Variants in PRLR observed in about 807,000 individuals in gnomAD.
PRLR encodes the protein prolactin receptor.
Under a neutral mutation model 40.2 loss-of-function variants are expected in PRLR, and 13 were observed. That is an observed-to-expected ratio of 0.32 (90% CI 0.21 to 0.51). PRLR has a LOEUF of 0.51. PRLR is among the 20% of genes least tolerant of loss of function. The probability of loss-of-function intolerance (pLI) is 0.97; values close to 1 mark genes in which losing one functional copy is unlikely to be tolerated. For synonymous variants in PRLR, 269 were observed against 278.7 expected (o/e 0.97, Z 0.35); for missense variants, 656 against 747.3 (o/e 0.88, Z 1.42).
At chr5:35,176,955 A>G (rs1404684350) in intron 1 of PRLR, among the ~76,000 whole-genome samples, 1 of 152,210 alleles carries the variant, frequency 6.6e-6, no homozygotes, top group Non-Finnish European at 1.5e-5. Flanking sequence ...TGAGATAGGG[A>G]AAAACTGCCT....
chr5:35,107,768 C>A (rs770662397), intron 2 of PRLR, among the ~76,000 whole-genome samples: 1 of 152,052 alleles, frequency 6.6e-6, no homozygotes, highest in South Asian at 2.1e-4. Context: ...CAGGAGCAGA[C>A]GGATTCACAG....
intron 5 of PRLR, 123 bp from the exon 6 acceptor site, chr5:35,072,867 C>T (rs1317799081): frequency 1.5e-5 from 16 of 1,102,734 alleles, no homozygotes; most frequent in African/African-American, 4.7e-5. Context: ...TACTATAAGC[C>T]CCCCAAATAC....
downstream of PRLR, chr5:35,055,643 G>A (rs1768672538): frequency 2.6e-5 from 4 of 151,980 alleles, no homozygotes; most frequent in Admixed American, 1.3e-4. Flanking sequence ...CTTGTTTCAA[G>A]TTAAATTTTT....
chr5:35,214,178 G>C (rs1167366225), intron 1 of PRLR, among the ~76,000 whole-genome samples: 1 of 152,138 alleles, frequency 6.6e-6, no homozygotes, highest in East Asian at 1.9e-4. Flanking sequence ...CATCAAATGT[G>C]GGACAAATGG....
intron 1 of PRLR, among the ~76,000 whole-genome samples, chr5:35,150,995 T>C (rs1256509492): frequency 6.6e-6 from 1 of 152,178 alleles, no homozygotes; most frequent in African/African-American, 2.4e-5. Flanking sequence ...AATAAAATGA[T>C]TTGATAAAGG....
intron 2 of PRLR, among the ~76,000 whole-genome samples, chr5:35,104,830 G>A (rs906631927): frequency 1.3e-5 from 2 of 152,208 alleles, no homozygotes; most frequent in Non-Finnish European, 2.9e-5. Flanking sequence ...AGAAACTTCT[G>A]CAGACTTAAA....
intron 8 of PRLR, 47 bp from the exon 9 acceptor site, chr5:35,068,332 T>G (rs1203062805): frequency 3.9e-6 from 6 of 1,542,990 alleles, no homozygotes; most frequent in Non-Finnish European, 5.4e-6. Flanking sequence ...TTTCTGACTT[T>G]GTAATTTTTG....
intron 1 of PRLR, among the ~76,000 whole-genome samples, chr5:35,158,055 T>C (rs1160097968): frequency 6.6e-6 from 1 of 152,224 alleles, no homozygotes; most frequent in Admixed American, 6.5e-5. Context: ...GGTCCTTTTC[T>C]CAAAGTCAGG....
intron 1 of PRLR, chr5:35,130,171 A>T (rs1773618071): frequency 6.6e-6 from 1 of 152,252 alleles, no homozygotes; most frequent in South Asian, 2.1e-4. Context: ...CCTGGGATAT[A>T]CAAGGCTTTT....
intron 9 of PRLR, among the ~76,000 whole-genome samples, chr5:35,066,788 G>A (rs1252173943): frequency 7.1e-6 from 1 of 140,086 alleles, no homozygotes; most frequent in Non-Finnish European, 1.5e-5. Flanking sequence ...TTTTGAGACG[G>A]AGTCTCGCTC....
chr5:35,106,085 G>T (rs971941025), intron 2 of PRLR, among the ~76,000 whole-genome samples: 2 of 152,194 alleles, frequency 1.3e-5, no homozygotes, highest in African/African-American at 4.8e-5. Flanking sequence ...CATTCTTAAA[G>T]AAAAGAATTT....
At chr5:35,104,900 G>A (rs183564624) in intron 2 of PRLR, among the ~76,000 whole-genome samples, 119 of 152,260 alleles carry the variant, frequency 7.8e-4, no homozygotes, top group Admixed American at 6.0e-3. Flanking sequence ...ATTTGAGATC[G>A]GAGAACAGAC....
chr5:35,063,630 C>T lies in PRLR; in HGVS notation c.*1459G>A, dbSNP rs963351061. ...TGGACACTTCTGATATGAGCCATTTCTGCCTCTGCCAAGATTTTGCAATTG... is the reference window on the plus strand; with the variant it reads ...TGGACACTTCTGATATGAGCCATTTTTGCCTCTGCCAAGATTTTGCAATTG... On this transcript the variant is annotated 3_prime_UTR_variant, in exon 10 of 10. Transcript: ENST00000618457. 6.6e-6 allele frequency: 1 copy of T among 152,198 alleles called. No homozygotes were observed. Among genetic ancestry groups the T allele is most frequent in the African/African-American group, 2.4e-5 (1 of 41,442 alleles). 9.4% of individuals were successfully genotyped at this position (152,198 alleles called of 1,614,324 possible).
intron 1 of PRLR, among the ~76,000 whole-genome samples, chr5:35,227,396 G>A (rs747796790): frequency 2.6e-5 from 4 of 152,320 alleles, no homozygotes; most frequent in Non-Finnish European, 5.9e-5. Flanking sequence ...AGGCGGATGT[G>A]GGGTGTGGGG....
At chr5:35,096,683 C>T (rs115876258) in intron 2 of PRLR, among the ~76,000 whole-genome samples, 2,449 of 151,676 alleles carry the variant, frequency 0.016, 31 homozygotes, top group Middle Eastern at 0.031. Flanking sequence ...TGCAGTGACA[C>T]GATTTCAGCT....
Position 35,084,286 on chromosome 5 carries a change from C to G in PRLR, c.373+184G>C, listed in dbSNP as rs532430479. ...GGAACACAAGGATCCCAAGTGCCAG[C>G]CTTAGTGTCATGAATGACTTGATAA... On this transcript the variant is annotated intron_variant, in intron 5 of 9. Transcript: ENST00000618457. Among the ~76,000 whole-genome samples, 228 of 152,308 alleles carry G rather than the reference C, an allele frequency of 1.5e-3. 1 individual carries two copies. Among genetic ancestry groups the G allele is most frequent in the Non-Finnish European group, 2.6e-3 (177 of 68,028 alleles).
At chr5:35,070,841 CAA>C (rs34668616) in intron 6 of PRLR, among the ~76,000 whole-genome samples, 1,388 of 69,204 alleles carry the variant, frequency 0.02, 14 homozygotes, top group African/African-American at 0.063. Context: ...AACTCCGTCT[CAA>C]AAAAAAAAAA....
At chr5:35,187,973 A>T (rs376151081) in intron 1 of PRLR, among the ~76,000 whole-genome samples, 2 of 152,160 alleles carry the variant, frequency 1.3e-5, no homozygotes, top group African/African-American at 4.8e-5. Flanking sequence ...TTCTTCTGGT[A>T]TCTCCCTCAA....
At chr5:35,074,504 C>CATATATATATATATAT (rs3034214) in intron 5 of PRLR, among the ~76,000 whole-genome samples, 39 of 132,612 alleles carry the variant, frequency 2.9e-4, no homozygotes, top group African/African-American at 1.2e-3. Flanking sequence ...TTTATGATTC[C>CATATATATATATATAT]ATATATATAT....
Sources: allele counts gnomAD v4.1 joint callset (sites outside exome capture counted in the v4.1 genomes callset), GRCh38; gene constraint gnomAD v4.1.1; transcripts MANE v1.5; gene names NCBI Gene and HGNC (gene_info 2026-07-23, HGNC 2026-07-21).